VAV2: variants seen among roughly 807,000 people sequenced by gnomAD.
VAV2 encodes vav guanine nucleotide exchange factor 2.
VAV2 carries 67 observed loss-of-function variants against 132.5 expected under a neutral mutation model. The ratio of observed to expected loss-of-function variants is 0.51; its 90% CI spans 0.42 to 0.62. VAV2 has a LOEUF of 0.62. Ranked by LOEUF, VAV2 falls within the 20% of genes least tolerant of loss-of-function variation. The pLI is 0.00. For missense variants in VAV2, 938 were observed against 1,153.6 expected, an observed-to-expected ratio of 0.81 and a Z score of 2.71; for synonymous variants, 492 against 443.5, an observed-to-expected ratio of 1.11 and a Z score of -1.37.
chr9:133,950,135 T>C (rs1421231320), intron 1 of VAV2, among the ~76,000 whole-genome samples: 1 of 152,214 alleles, frequency 6.6e-6, no homozygotes, highest in Non-Finnish European at 1.5e-5. Context: ...AGAGACACTC[T>C]GGCTGCCCAG....
intron 29 of VAV2, among the ~76,000 whole-genome samples, chr9:133,765,578 A>G (rs976356446): frequency 3.3e-5 from 5 of 152,250 alleles, no homozygotes; most frequent in Non-Finnish European, 7.3e-5. Context: ...AATATTCCAG[A>G]TTAAAGAGAG....
chr9:133,822,094 G>A (rs1217389236), intron 4 of VAV2, among the ~76,000 whole-genome samples: 2 of 152,048 alleles, frequency 1.3e-5, no homozygotes, highest in African/African-American at 2.4e-5. Flanking sequence ...CAACAACCTC[G>A]CCCACCTGCC....
chr9:133,896,627 C>T (rs1839215317), intron 2 of VAV2, among the ~76,000 whole-genome samples: 1 of 152,182 alleles, frequency 6.6e-6, no homozygotes, highest in African/African-American at 2.4e-5. Context: ...AGGGCAGTTG[C>T]TCATTTCATT....
intron 17 of VAV2, among the ~76,000 whole-genome samples, chr9:133,785,172 A>G (rs1190634240): frequency 6.6e-6 from 1 of 151,786 alleles, no homozygotes; most frequent in Non-Finnish European, 1.5e-5. Context: ...TCCCCTCTCC[A>G]TTTCACCAGA....
At chr9:133,861,246 G>C in intron 3 of VAV2, 128 bp downstream of exon 3, 3 of 957,684 alleles carry the variant, frequency 3.1e-6, no homozygotes, top group Non-Finnish European at 2.9e-6. Context: ...GCGACAACAC[G>C]CTGCAAATGC....
intron 10 of VAV2, 137 bp downstream of exon 10, chr9:133,797,573 C>CA: frequency 3.8e-6 from 3 of 783,778 alleles, no homozygotes; most frequent in Non-Finnish European, 2.0e-6. Flanking sequence ...GAAAAATCTA[C>CA]AAAAAACCAT....
At chr9:133,921,749 G>C (rs1250916283) in intron 2 of VAV2, among the ~76,000 whole-genome samples, 1 of 152,252 alleles carries the variant, frequency 6.6e-6, no homozygotes, top group African/African-American at 2.4e-5. Context: ...GCAGTGTGGA[G>C]GGGCTCGGCC....
chr9:133,932,917 C>T (rs1426419502), intron 2 of VAV2, among the ~76,000 whole-genome samples: 2 of 152,254 alleles, frequency 1.3e-5, no homozygotes, highest in East Asian at 1.9e-4. Flanking sequence ...ACCAGGCTGA[C>T]TCATGGTGGG....
intron 2 of VAV2, among the ~76,000 whole-genome samples, chr9:133,872,701 G>A (rs1362410234): frequency 8.5e-5 from 13 of 152,172 alleles, no homozygotes; most frequent in East Asian, 1.9e-4. Context: ...AGGAGGAGGC[G>A]TAAGCTGGTG....
chr9:133,816,978 A>G (rs1324125269), intron 4 of VAV2, among the ~76,000 whole-genome samples: 1 of 152,230 alleles, frequency 6.6e-6, no homozygotes, highest in Non-Finnish European at 1.5e-5. Context: ...GGTCCTCTGC[A>G]TCTCCATGTA....
At chr9:133,835,394 G>T (rs946785156) in intron 3 of VAV2, among the ~76,000 whole-genome samples, 1 of 143,398 alleles carries the variant, frequency 7.0e-6, no homozygotes, top group African/African-American at 2.5e-5. Flanking sequence ...AGGAAGCGGG[G>T]AGAGGCGGAA....
At chr9:133,781,058 C>A (rs1011152922) in intron 19 of VAV2, among the ~76,000 whole-genome samples, 1 of 152,192 alleles carries the variant, frequency 6.6e-6, no homozygotes, top group Non-Finnish European at 1.5e-5. Flanking sequence ...ACCTGGCACT[C>A]AAAGGGGAGA....
At position 133,772,060 on chromosome 9, in the gene VAV2, C is replaced by T. The variant is rs368060780; in HGVS notation, c.2136-14G>A. On this transcript the variant is annotated splice_polypyrimidine_tract_variant and intron_variant, in intron 25 of 29. Transcript: ENST00000371850. ...TCATCATTGAACCTGAGCAAACACA[C>T]GGCCCCGGCGGTCACCGCGTGAGGG... The T allele has an allele frequency of 1.4e-5, 23 of 1,611,602 alleles. No individual in the cohort carries two copies. The highest frequency in any genetic ancestry group is 2.7e-5 in the African/African-American group (2 of 74,814).
At chr9:133,807,021 C>T (rs1436900866) in intron 8 of VAV2, among the ~76,000 whole-genome samples, 2 of 152,240 alleles carry the variant, frequency 1.3e-5, no homozygotes, top group Non-Finnish European at 2.9e-5. Context: ...CCTCCAGCCA[C>T]GCACGTCAGT....
intron 24 of VAV2, among the ~76,000 whole-genome samples, chr9:133,775,804 A>G (rs1833789379): frequency 6.6e-6 from 1 of 152,262 alleles, no homozygotes; most frequent in African/African-American, 2.4e-5. Context: ...GAGGGTTAAC[A>G]GCTGCCTACA....
At chr9:133,786,230 T>C (rs983201136) in intron 16 of VAV2, among the ~76,000 whole-genome samples, 2 of 152,262 alleles carry the variant, frequency 1.3e-5, no homozygotes, top group Non-Finnish European at 2.9e-5. Flanking sequence ...TGTGCACCTG[T>C]GCATGAGTGT....
chr9:133,791,318 C>T (rs1173207923), intron 13 of VAV2, among the ~76,000 whole-genome samples: 3 of 152,022 alleles, frequency 2.0e-5, no homozygotes, highest in Non-Finnish European at 2.9e-5. Flanking sequence ...GGAGCAGAGG[C>T]GACTGCCGGC....
At chr9:133,906,267 T>C (rs2810500) in intron 2 of VAV2, among the ~76,000 whole-genome samples, 137,831 of 152,242 alleles carry the variant, frequency 0.91, 63,645 homozygotes, top group Non-Finnish European at 1. Flanking sequence ...AAGACAGTGA[T>C]GGAAACGCAG....
At chr9:133,872,317 C>T (rs1220212533) in intron 2 of VAV2, among the ~76,000 whole-genome samples, 1 of 152,268 alleles carries the variant, frequency 6.6e-6, no homozygotes, top group Non-Finnish European at 1.5e-5. Flanking sequence ...CACCCACGTC[C>T]TCCATGTTTC....
Sources: allele counts gnomAD v4.1 joint callset (sites outside exome capture counted in the v4.1 genomes callset), GRCh38; gene constraint gnomAD v4.1.1; transcripts MANE v1.5; gene names NCBI Gene and HGNC (gene_info 2026-07-23, HGNC 2026-07-21).